PTCHD4: variants seen among roughly 807,000 people sequenced by gnomAD.
The protein encoded by PTCHD4 is patched domain containing 4, also known as patched domain-containing protein 4.
In PTCHD4, 33 loss-of-function variants were observed where a neutral mutation model predicts 58.1. The observed-to-expected ratio is 0.57, with a 90% CI of 0.43 to 0.76. The LOEUF is 0.76. Ranked by LOEUF, PTCHD4 falls within the 30% of genes least tolerant of loss-of-function variation. The pLI, the probability that PTCHD4 is intolerant of heterozygous loss-of-function variation, is 0.00. For missense variants in PTCHD4, 1,058 were observed against 1,027.1 expected, an observed-to-expected ratio of 1.03 and a Z score of -0.41; for synonymous variants, 478 against 409.6, an observed-to-expected ratio of 1.17 and a Z score of -2.02.
chr6:47,943,566 C>A (rs1436280325), intron 4 of PTCHD4, among the ~76,000 whole-genome samples: 1 of 152,102 alleles, frequency 6.6e-6, no homozygotes, highest in Non-Finnish European at 1.5e-5. Flanking sequence ...ATTTCTCAAG[C>A]TCATGTGCCT....
intron 4 of PTCHD4, among the ~76,000 whole-genome samples, chr6:47,914,531 G>A (rs1287285258): frequency 6.6e-6 from 1 of 151,834 alleles, no homozygotes; most frequent in Non-Finnish European, 1.5e-5. Context: ...TCTCTCCTAG[G>A]TATTCATCTT....
At chr6:47,984,342 A>C (rs1767987621) in intron 4 of PTCHD4, among the ~76,000 whole-genome samples, 1 of 152,176 alleles carries the variant, frequency 6.6e-6, no homozygotes, top group African/African-American at 2.4e-5. Context: ...CACATCTTGC[A>C]TGGTGACAGG....
At chr6:47,981,478 G>C (rs1767880991) in intron 4 of PTCHD4, among the ~76,000 whole-genome samples, 1 of 151,726 alleles carries the variant, frequency 6.6e-6, no homozygotes, top group Non-Finnish European at 1.5e-5. Context: ...GTAACCCCTA[G>C]AGGCGTCATG....
chr6:47,902,113 C>A (rs965961932), intron 4 of PTCHD4, among the ~76,000 whole-genome samples: 3 of 152,156 alleles, frequency 2.0e-5, no homozygotes, highest in Non-Finnish European at 4.4e-5. Context: ...ATCTTCATGT[C>A]CCTCTCACAA....
intron 1 of PTCHD4, among the ~76,000 whole-genome samples, chr6:48,110,399 TAC>T (rs2113922960): frequency 6.6e-6 from 1 of 152,152 alleles, no homozygotes; most frequent in East Asian, 1.9e-4. Context: ...TAATCTCACT[TAC>T]ACACAGATTT....
chr6:47,966,287 CACTAT>C (rs1767292523), intron 4 of PTCHD4, among the ~76,000 whole-genome samples: 1 of 152,134 alleles, frequency 6.6e-6, no homozygotes, highest in Non-Finnish European at 1.5e-5. Context: ...AATATGTTTG[CACTAT>C]ACTATAGTAT....
In PTCHD4 at chr6:47,861,911, G is replaced by A. The variant is rs1763436706; in HGVS notation, c.*16392C>T. On this transcript the variant is annotated 3_prime_UTR_variant, in exon 5 of 5. Transcript: ENST00000339488. ...ATGAATGATATGGCTAGTTCATCAG[G>A]TCATTTTATTTTCCTAGTTCCTAGG... Among the ~76,000 whole-genome samples the A allele has an allele frequency of 6.6e-6, 1 of 151,790 alleles. No individual in the cohort carries two copies. The highest frequency in any genetic ancestry group is 2.1e-4 in the South Asian group (1 of 4,832).
At chr6:48,030,060 T>C (rs1460835544) in intron 3 of PTCHD4, among the ~76,000 whole-genome samples, 2 of 151,990 alleles carry the variant, frequency 1.3e-5, no homozygotes, top group Non-Finnish European at 2.9e-5. Flanking sequence ...CTTGAGAGGA[T>C]TTTAAAGTCT....
At chr6:47,913,893 T>C (rs537792015) in intron 4 of PTCHD4, among the ~76,000 whole-genome samples, 1 of 152,146 alleles carries the variant, frequency 6.6e-6, no homozygotes, top group African/African-American at 2.4e-5. Context: ...AAAAAGCATC[T>C]AGGCAATTCT....
chr6:48,007,934 G>A (rs549653191), intron 4 of PTCHD4, among the ~76,000 whole-genome samples: 26 of 53,024 alleles, frequency 4.9e-4, no homozygotes, highest in African/African-American at 1.8e-3. Flanking sequence ...ATGTGCGCGC[G>A]CGCACACACA....
At chr6:48,037,163 A>C (rs774715148) in intron 3 of PTCHD4, among the ~76,000 whole-genome samples, 1 of 152,152 alleles carries the variant, frequency 6.6e-6, no homozygotes, top group Non-Finnish European at 1.5e-5. Flanking sequence ...CTAGAGAGTG[A>C]GTATAGTGTA....
At chr6:47,981,908 C>A (rs1366483835) in intron 4 of PTCHD4, among the ~76,000 whole-genome samples, 1 of 152,112 alleles carries the variant, frequency 6.6e-6, no homozygotes, top group African/African-American at 2.4e-5. Flanking sequence ...GGAAAGATTA[C>A]TCCTGTTTTG....
chr6:48,077,679 C>G (rs1349299971), intron 1 of PTCHD4, among the ~76,000 whole-genome samples: 1 of 152,158 alleles, frequency 6.6e-6, no homozygotes, highest in Non-Finnish European at 1.5e-5. Context: ...CTTTCACATT[C>G]TTGAATACTT....
At chr6:48,109,711 C>T (rs976262413) in intron 1 of PTCHD4, among the ~76,000 whole-genome samples, 1 of 151,900 alleles carries the variant, frequency 6.6e-6, no homozygotes, top group Non-Finnish European at 1.5e-5. Context: ...TCAACATAAA[C>T]AACAACAAAA....
At chr6:47,985,697 T>C (rs896168445) in intron 4 of PTCHD4, among the ~76,000 whole-genome samples, 1 of 152,064 alleles carries the variant, frequency 6.6e-6, no homozygotes, top group Non-Finnish European at 1.5e-5. Flanking sequence ...TCACTGTTCA[T>C]TTAAGGAAAG....
At chr6:47,933,770 T>C (rs1045210921) in intron 4 of PTCHD4, among the ~76,000 whole-genome samples, 5 of 152,200 alleles carry the variant, frequency 3.3e-5, no homozygotes, top group African/African-American at 1.2e-4. Flanking sequence ...GCTTTATCTA[T>C]AATTACAAAA....
chr6:48,028,882 C>A (rs115191426), intron 3 of PTCHD4, among the ~76,000 whole-genome samples: 3 of 151,742 alleles, frequency 2.0e-5, no homozygotes, highest in Non-Finnish European at 4.4e-5. Context: ...CTCAGGTGGC[C>A]CCCAGAAAAT....
intron 1 of PTCHD4, among the ~76,000 whole-genome samples, chr6:48,071,669 A>G (rs1249333224): frequency 3.9e-5 from 6 of 152,160 alleles, no homozygotes; most frequent in Admixed American, 3.9e-4. Context: ...ATATTAATAC[A>G]TTATTATTAT....
At chr6:48,037,748 A>T (rs1763691600) in intron 3 of PTCHD4, among the ~76,000 whole-genome samples, 1 of 152,154 alleles carries the variant, frequency 6.6e-6, no homozygotes, top group South Asian at 2.1e-4. Flanking sequence ...GAGCCTATAG[A>T]AAATGAGGTG....
Sources: gnomAD v4.1 joint callset for allele counts (sites outside exome capture counted in the v4.1 genomes callset) on GRCh38, gnomAD v4.1.1 for gene constraint, MANE v1.5 for transcripts, NCBI Gene and HGNC (gene_info 2026-07-23, HGNC 2026-07-21) for gene names.